The following EPB41L5 variants were observed in gnomAD, a reference collection of about 807,000 sequenced individuals.
The protein encoded by EPB41L5 is erythrocyte membrane protein band 4.1 like 5.
A neutral mutation model predicts 106.6 loss-of-function variants in EPB41L5; 55 were observed. That is an observed-to-expected ratio of 0.52 (90% CI 0.42 to 0.65). The LOEUF is 0.65. Among genes scored for constraint, EPB41L5 ranks in the 30% least tolerant of loss-of-function variants. EPB41L5 has a pLI of 0.00. For synonymous variants in EPB41L5, 297 were observed against 306.7 expected (o/e 0.97, Z 0.33); for missense variants, 871 against 882.1 (o/e 0.99, Z 0.16).
At chr2:120,115,659 G>T (rs770961901) in intron 16 of EPB41L5, among the ~76,000 whole-genome samples, 1 of 152,076 alleles carries the variant, frequency 6.6e-6, no homozygotes, top group Non-Finnish European at 1.5e-5. Context: ...CAAAGTGCTG[G>T]AATTACAGAC....
At chr2:120,165,138 A>G (rs944577203) in intron 22 of EPB41L5, among the ~76,000 whole-genome samples, 1 of 152,230 alleles carries the variant, frequency 6.6e-6, no homozygotes, top group African/African-American at 2.4e-5. Context: ...TTTATAATTC[A>G]ACATCATATT....
intron 16 of EPB41L5, among the ~76,000 whole-genome samples, chr2:120,121,965 C>T (rs1230529945): frequency 6.6e-6 from 1 of 152,200 alleles, no homozygotes; most frequent in Non-Finnish European, 1.5e-5. Context: ...CTGTTGGCTG[C>T]ATAAATGTCT....
intron 11 of EPB41L5, among the ~76,000 whole-genome samples, chr2:120,090,066 G>T (rs67829508): frequency 6.6e-6 from 1 of 151,548 alleles, no homozygotes; most frequent in Admixed American, 6.6e-5. Flanking sequence ...TAATTATACA[G>T]TTATCCCAAA....
intron 3 of EPB41L5, among the ~76,000 whole-genome samples, chr2:120,063,109 G>A (rs964466562): frequency 1.3e-5 from 2 of 151,994 alleles, no homozygotes; most frequent in Non-Finnish European, 2.9e-5. Flanking sequence ...GAAGGCTGAG[G>A]TGGGCAGATC....
chr2:120,043,444 G>A (rs1346946646), intron 3 of EPB41L5, among the ~76,000 whole-genome samples: 2 of 152,022 alleles, frequency 1.3e-5, no homozygotes, highest in African/African-American at 2.4e-5. Flanking sequence ...CTACTCAGGA[G>A]GCTAAGGTGG....
intron 17 of EPB41L5, among the ~76,000 whole-genome samples, chr2:120,128,958 C>T (rs1224448497): frequency 1.3e-5 from 2 of 152,064 alleles, no homozygotes; most frequent in African/African-American, 4.8e-5. Flanking sequence ...GCAATGCTTG[C>T]TCTTGTTCTC....
At chr2:120,098,840 T>C (rs1429452851) in intron 14 of EPB41L5, among the ~76,000 whole-genome samples, 2 of 152,254 alleles carry the variant, frequency 1.3e-5, no homozygotes, top group African/African-American at 4.8e-5. Context: ...GGTTTTTTGC[T>C]CTCACCTTGT....
intron 20 of EPB41L5, among the ~76,000 whole-genome samples, chr2:120,154,358 T>C (rs1686813916): frequency 2.0e-5 from 3 of 150,260 alleles, no homozygotes; most frequent in African/African-American, 7.3e-5. Flanking sequence ...AGAGACAGGG[T>C]TTCTCCATGT....
intron 24 of EPB41L5, among the ~76,000 whole-genome samples, chr2:120,169,910 GT>G (rs1687596656): frequency 6.6e-6 from 1 of 152,158 alleles, no homozygotes; most frequent in South Asian, 2.1e-4. Context: ...ATAGTACCAA[GT>G]TTTGGTGAAG....
chr2:120,026,154 A>T (rs1415585090), intron 2 of EPB41L5, among the ~76,000 whole-genome samples: 1 of 152,230 alleles, frequency 6.6e-6, no homozygotes. Context: ...AGCTAAAACT[A>T]TAAATCCTTA....
intron 7 of EPB41L5, among the ~76,000 whole-genome samples, chr2:120,076,210 C>T (rs1682221936): frequency 6.6e-6 from 1 of 152,082 alleles, no homozygotes; most frequent in Non-Finnish European, 1.5e-5. Context: ...TAGTTCCTTT[C>T]AGTTATTTCT....
chr2:120,044,174 A>G (rs1195886755), intron 3 of EPB41L5, among the ~76,000 whole-genome samples: 1 of 151,358 alleles, frequency 6.6e-6, no homozygotes, highest in Non-Finnish European at 1.5e-5. Flanking sequence ...ATGGCCATGC[A>G]TATACATGAA....
chr2:120,175,781 TACTCC>T lies in EPB41L5; in HGVS notation c.*877_*881del. 1 of 152,298 alleles carries T rather than the reference TACTCC, an allele frequency of 6.6e-6. No individual in the cohort carries two copies. The highest frequency in any genetic ancestry group is 3.4e-3 in the Middle Eastern group (1 of 294). 9.4% of individuals were successfully genotyped at this position (152,298 alleles called of 1,614,324 possible). A position where few individuals can be genotyped will look rare whatever the true frequency, so the allele number is the denominator to read the frequency against. ...AGGTAATGAAGGCACAGCACAGCAGTACTCCACATTGTTTCCTATTTGGACATAGA... is the reference window on the plus strand; with the variant it reads ...AGGTAATGAAGGCACAGCACAGCAGTACATTGTTTCCTATTTGGACATAGA... On this transcript the variant is annotated 3_prime_UTR_variant, in exon 25 of 25. Coordinates refer to ENST00000263713, the MANE Select transcript of EPB41L5 (RefSeq NM_020909.4).
intron 20 of EPB41L5, among the ~76,000 whole-genome samples, 159 bp downstream of exon 20, chr2:120,146,448 A>G (rs2105502244): frequency 6.6e-6 from 1 of 152,314 alleles, no homozygotes; most frequent in East Asian, 1.9e-4. Flanking sequence ...ACCTAGTTTT[A>G]TATTATTTGA....
chr2:120,076,106 C>T (rs896784579), intron 7 of EPB41L5, among the ~76,000 whole-genome samples: 1 of 152,180 alleles, frequency 6.6e-6, no homozygotes, highest in Non-Finnish European at 1.5e-5. Context: ...TTGCTCCAAA[C>T]CTACATTTTG....
At position 120,061,519 on chromosome 2, in the gene EPB41L5, G is replaced by A. The variant is rs551752652; in HGVS notation, c.286-11659G>A. ...ATTACAGGCGTGAGCCACCGCGCCC[G>A]GCCTTTTTTTTTAATAGAGACAGGG... is the stretch of plus-strand genomic sequence containing the variant. On this transcript the variant is annotated intron_variant, in intron 3 of 24. Transcript: ENST00000263713. Among the ~76,000 whole-genome samples the A allele has an allele frequency of 3.4e-4, 52 of 151,978 alleles. No homozygotes were observed. In the South Asian group the frequency reaches 8.7e-3, roughly 25 times the overall value.
chr2:120,023,356 G>T lies in EPB41L5; in HGVS notation c.180+4092G>T, dbSNP rs1678072698. 2.0e-5 allele frequency among the ~76,000 whole-genome samples: 3 copies of T among 152,124 alleles called. No homozygotes were observed. The South Asian group carries it at 6.2e-4, about 31-fold the overall frequency. On this transcript the variant is annotated intron_variant, in intron 2 of 24. Transcript: ENST00000263713. ...TTTAATCCATCTTGAGTTAATTTTT[G>T]TGTAAGATGTTAAGGAAGGGGTCCA...
At chr2:120,039,260 A>G (rs72952876) in intron 2 of EPB41L5, among the ~76,000 whole-genome samples, 154 of 152,194 alleles carry the variant, frequency 1.0e-3, no homozygotes, top group African/African-American at 3.5e-3. Context: ...ATGGGAGAGA[A>G]GTTACTAGGG....
intron 18 of EPB41L5, among the ~76,000 whole-genome samples, chr2:120,135,582 TAAAG>T (rs1312859182): frequency 6.6e-6 from 1 of 152,048 alleles, no homozygotes; most frequent in East Asian, 1.9e-4. Context: ...ATGTCAGTGT[TAAAG>T]AATCCTAAAA....
Sources: allele counts gnomAD v4.1 joint callset (sites outside exome capture counted in the v4.1 genomes callset), GRCh38; gene constraint gnomAD v4.1.1; transcripts MANE v1.5; gene names NCBI Gene and HGNC (gene_info 2026-07-23, HGNC 2026-07-21).